The following RPA3 variants were observed in gnomAD, a reference collection of about 807,000 sequenced individuals.
The protein encoded by RPA3 is replication protein A3, also known as replication protein A 14 kDa subunit.
Under a neutral mutation model 13.7 loss-of-function variants are expected in RPA3, and 24 were observed. The ratio of observed to expected loss-of-function variants is 1.75; its 90% CI spans 1.27 to 2.46. The LOEUF (loss-of-function observed/expected upper bound fraction) is 2.46. Ranked by LOEUF, RPA3 falls within the 30% of genes most tolerant of loss-of-function variation. The pLI, the probability that RPA3 is intolerant of heterozygous loss-of-function variation, is 0.00. For missense variants in RPA3, 183 were observed against 151.0 expected, an observed-to-expected ratio of 1.21 and a Z score of -1.11; for synonymous variants, 59 against 51.2, an observed-to-expected ratio of 1.15 and a Z score of -0.65.
intron 2 of RPA3, among the ~76,000 whole-genome samples, chr7:7,708,689 A>G (rs1013453966): frequency 2.3e-4 from 35 of 152,312 alleles, no homozygotes; most frequent in South Asian, 1.7e-3. Context: ...CCATCTTAAA[A>G]TTATATTTTA....
At chr7:7,653,341 C>A (rs1235398173) in intron 4 of RPA3, among the ~76,000 whole-genome samples, 1 of 152,150 alleles carries the variant, frequency 6.6e-6, no homozygotes, top group Non-Finnish European at 1.5e-5. Context: ...CTGTAAATTG[C>A]CTTCTTTGTC....
At chr7:7,672,898 T>C (rs1779642401) in intron 4 of RPA3, among the ~76,000 whole-genome samples, 1 of 152,196 alleles carries the variant, frequency 6.6e-6, no homozygotes, top group Non-Finnish European at 1.5e-5. Context: ...GCCTTAGTCT[T>C]ATGAGGCTTA....
chr7:7,663,761 C>A (rs919143024), intron 4 of RPA3, among the ~76,000 whole-genome samples: 2 of 152,126 alleles, frequency 1.3e-5, no homozygotes, highest in Admixed American at 1.3e-4. Flanking sequence ...GGTTAGTATC[C>A]CCGGGGCAAT....
chr7:7,669,514 G>A (rs960916514), intron 4 of RPA3, among the ~76,000 whole-genome samples: 1 of 152,172 alleles, frequency 6.6e-6, no homozygotes, highest in African/African-American at 2.4e-5. Context: ...GCAGATTTTA[G>A]TGCTTTAGCA....
chr7:7,660,284 G>A (rs1270253743), intron 4 of RPA3, among the ~76,000 whole-genome samples: 1 of 152,134 alleles, frequency 6.6e-6, no homozygotes, highest in African/African-American at 2.4e-5. Context: ...TTAATTGGGG[G>A]CATTTAGCCC....
chr7:7,682,408 A>G (rs1779934011), intron 4 of RPA3, among the ~76,000 whole-genome samples: 1 of 152,158 alleles, frequency 6.6e-6, no homozygotes, highest in African/African-American at 2.4e-5. Flanking sequence ...ACCAAACCAC[A>G]TATACATACT....
intron 2 of RPA3, among the ~76,000 whole-genome samples, chr7:7,702,006 G>C (rs964902960): frequency 3.9e-5 from 6 of 152,140 alleles, no homozygotes; most frequent in African/African-American, 1.4e-4. Context: ...TTTGTAAAAA[G>C]TAGAACTGAA....
chr7:7,667,813 G>A (rs1308036220), intron 4 of RPA3, among the ~76,000 whole-genome samples: 4 of 152,166 alleles, frequency 2.6e-5, no homozygotes, highest in Admixed American at 2.6e-4. Context: ...GGTCTCTGCT[G>A]CTTTACTGAT....
At chr7:7,638,823 AT>A (rs1784905281) in intron 6 of RPA3, 1 of 355,936 alleles carries the variant, frequency 2.8e-6, no homozygotes, top group Admixed American at 4.6e-5. Context: ...TTCATAAGGA[AT>A]GAGAATTGTT....
At chr7:7,684,062 A>G (rs1779980729) in intron 4 of RPA3, among the ~76,000 whole-genome samples, 1 of 152,212 alleles carries the variant, frequency 6.6e-6, no homozygotes, top group African/African-American at 2.4e-5. Flanking sequence ...TGTGACCTAC[A>G]TACATCCTCC....
intron 2 of RPA3, among the ~76,000 whole-genome samples, chr7:7,691,848 G>A (rs148027454): frequency 2.6e-5 from 4 of 152,262 alleles, no homozygotes; most frequent in Admixed American, 6.5e-5. Flanking sequence ...CCAAACAAAA[G>A]TCATGAAGAT....
intron 2 of RPA3, among the ~76,000 whole-genome samples, chr7:7,700,350 G>T (rs965274073): frequency 6.6e-6 from 1 of 152,122 alleles, no homozygotes; most frequent in Admixed American, 6.5e-5. Context: ...TCACTATGAG[G>T]GGTAGGATTT....
At chr7:7,660,105 A>T (rs1785437783) in intron 4 of RPA3, among the ~76,000 whole-genome samples, 1 of 152,182 alleles carries the variant, frequency 6.6e-6, no homozygotes, top group Admixed American at 6.5e-5. Context: ...CTGTTTTATC[A>T]GAGACTACGA....
At chr7:7,662,916 T>C (rs1785510829) in intron 4 of RPA3, among the ~76,000 whole-genome samples, 1 of 152,250 alleles carries the variant, frequency 6.6e-6, no homozygotes, top group Admixed American at 6.5e-5. Context: ...AGAAACTATG[T>C]CCTTTATAAT....
At chr7:7,683,591 A>C (rs1779964148) in intron 4 of RPA3, among the ~76,000 whole-genome samples, 1 of 152,122 alleles carries the variant, frequency 6.6e-6, no homozygotes, top group Non-Finnish European at 1.5e-5. Context: ...AAAGCTTCAT[A>C]CATGATCCTA....
intron 4 of RPA3, among the ~76,000 whole-genome samples, chr7:7,649,511 T>G (rs1001803715): frequency 6.6e-6 from 1 of 152,250 alleles, no homozygotes; most frequent in African/African-American, 2.4e-5. Context: ...GGGGAACATA[T>G]TCAAACCACA....
At chr7:7,690,688 G>C (rs1265361565) in intron 2 of RPA3, among the ~76,000 whole-genome samples, 1 of 151,960 alleles carries the variant, frequency 6.6e-6, no homozygotes, top group Non-Finnish European at 1.5e-5. Flanking sequence ...AAATTCTTTT[G>C]TTTTTGCTAA....
intron 4 of RPA3, among the ~76,000 whole-genome samples, chr7:7,652,594 A>G (rs1785248653): frequency 6.6e-6 from 1 of 152,232 alleles, no homozygotes; most frequent in South Asian, 2.1e-4. Flanking sequence ...GAGAGGTGGT[A>G]GAGAAGTAGG....
chr7:7,715,146 A>G (rs1219037717), intron 2 of RPA3, 29 bp downstream of exon 2: 1 of 152,226 alleles, frequency 6.6e-6, no homozygotes, highest in Non-Finnish European at 1.5e-5. Flanking sequence ...CACCTTCAGC[A>G]TAGAAACAGT....
Sources: allele counts gnomAD v4.1 joint callset (sites outside exome capture counted in the v4.1 genomes callset), GRCh38; gene constraint gnomAD v4.1.1; transcripts MANE v1.5; gene names NCBI Gene and HGNC (gene_info 2026-07-23, HGNC 2026-07-21).